CCDC85A: variants seen among roughly 807,000 people sequenced by gnomAD.
CCDC85A encodes the protein coiled-coil domain-containing protein 85A.
CCDC85A carries 38 observed loss-of-function variants against 50.2 expected under a neutral mutation model. The ratio of observed to expected loss-of-function variants is 0.76; its 90% confidence interval spans 0.58 to 0.99. The LOEUF is 0.99. Among genes scored for constraint, CCDC85A ranks in the 50% least tolerant of loss-of-function variants. The pLI is 0.00. For missense variants in CCDC85A, 820 were observed against 742.0 expected, an observed-to-expected ratio of 1.11 and a Z score of -1.22; for synonymous variants, 366 against 301.4, an observed-to-expected ratio of 1.21 and a Z score of -2.22.
chr2:56,299,826 T>TA (rs1672120319), intron 2 of CCDC85A, among the ~76,000 whole-genome samples: 1 of 152,212 alleles, frequency 6.6e-6, no homozygotes, highest in African/African-American at 2.4e-5. Flanking sequence ...AGCTGGTGCT[T>TA]ACCTTCCCCT....
chr2:56,253,738 C>T (rs1669867873), intron 2 of CCDC85A, among the ~76,000 whole-genome samples: 1 of 152,138 alleles, frequency 6.6e-6, no homozygotes, highest in African/African-American at 2.4e-5. Flanking sequence ...ATTGATAGGA[C>T]TTATTGATGG....
chr2:56,303,849 G>T (rs183729340), intron 2 of CCDC85A, among the ~76,000 whole-genome samples: 19 of 152,256 alleles, frequency 1.2e-4, no homozygotes, highest in Admixed American at 5.9e-4. Context: ...CAAGCAATAT[G>T]TTGGTTGATG....
At chr2:56,266,479 A>G (rs1436342544) in intron 2 of CCDC85A, among the ~76,000 whole-genome samples, 1 of 151,512 alleles carries the variant, frequency 6.6e-6, no homozygotes, top group African/African-American at 2.4e-5. Flanking sequence ...GGTGATTGAT[A>G]TATTATTAGC....
Position 56,192,385 on chromosome 2 carries a change from C to G in CCDC85A, c.277-92C>G. ...TCCTCCCCTAACCTCACAGGTAATTCACCAGTTACAGGCTCTCCCTTTCCA... is the reference window on the plus strand; with the variant it reads ...TCCTCCCCTAACCTCACAGGTAATTGACCAGTTACAGGCTCTCCCTTTCCA... On this transcript the variant is annotated intron_variant, in intron 1 of 5. Transcript: ENST00000407595. This position sits in a 1 kb window ranked among gnomAD's most constrained non-coding sequence, Gnocchi z 4.7. 8 of 1,509,394 alleles carry G rather than the reference C, an allele frequency of 5.3e-6. No homozygotes were observed. The highest frequency in any genetic ancestry group is 7.1e-6 in the Non-Finnish European group (8 of 1,129,154). The allele number at this position is 1,509,394 out of a possible 1,614,324, so 93.5% of individuals were successfully genotyped here.
intron 1 of CCDC85A, among the ~76,000 whole-genome samples, chr2:56,189,301 T>A (rs1676194874): frequency 6.9e-6 from 1 of 145,234 alleles, no homozygotes; most frequent in Non-Finnish European, 1.5e-5. Flanking sequence ...TTTGGTGTTT[T>A]TTTTTTTTTT....
At chr2:56,224,071 T>A (rs575424367) in intron 2 of CCDC85A, among the ~76,000 whole-genome samples, 47 of 152,298 alleles carry the variant, frequency 3.1e-4, no homozygotes, top group Non-Finnish European at 5.4e-4. Context: ...CATTTTTATC[T>A]CCCCAAAATA....
At chr2:56,289,809 G>A (rs1374974975) in intron 2 of CCDC85A, among the ~76,000 whole-genome samples, 1 of 152,092 alleles carries the variant, frequency 6.6e-6, no homozygotes, top group East Asian at 1.9e-4. Context: ...TTTGGAGGGG[G>A]TATAGTTAAA....
intron 2 of CCDC85A, among the ~76,000 whole-genome samples, chr2:56,317,455 G>T (rs1245121403): frequency 6.6e-6 from 1 of 152,020 alleles, no homozygotes; most frequent in Admixed American, 6.6e-5. Flanking sequence ...ATTAATGTAT[G>T]AACTAAGGCT....
chr2:56,191,903 A>G (rs904558415), intron 1 of CCDC85A, among the ~76,000 whole-genome samples: 1 of 152,206 alleles, frequency 6.6e-6, no homozygotes, highest in African/African-American at 2.4e-5. Context: ...CTCTGTTGAA[A>G]GGTCTGTTGT....
At chr2:56,379,705 GC>G in intron 5 of CCDC85A, 1 of 671,516 alleles carries the variant, frequency 1.5e-6, no homozygotes, top group Non-Finnish European at 1.8e-6. Context: ...TAACTAACAA[GC>G]TTTTTTCCAT....
At chr2:56,209,821 A>G (rs761704008) in intron 2 of CCDC85A, among the ~76,000 whole-genome samples, 2 of 152,024 alleles carry the variant, frequency 1.3e-5, no homozygotes, top group African/African-American at 2.4e-5. Context: ...TATGAGGTTC[A>G]CTTTTTATTC....
intron 2 of CCDC85A, among the ~76,000 whole-genome samples, chr2:56,201,078 A>T (rs201650278): frequency 0.81 from 112,994 of 139,396 alleles, 43,383 homozygotes; most frequent in Non-Finnish European, 0.83. Flanking sequence ...ATCTCTCTCC[A>T]CACACACACA....
chr2:56,220,368 T>TA (rs1668273249), intron 2 of CCDC85A, among the ~76,000 whole-genome samples: 1 of 152,042 alleles, frequency 6.6e-6, no homozygotes, highest in South Asian at 2.1e-4. Context: ...GTCATGCTTG[T>TA]GTTATATAAG....
chr2:56,284,236 T>C (rs1671328930), intron 2 of CCDC85A, among the ~76,000 whole-genome samples: 1 of 152,238 alleles, frequency 6.6e-6, no homozygotes, highest in Non-Finnish European at 1.5e-5. Context: ...TATTTCAACA[T>C]TTTTGAAATT....
rs886463528 is a variant in CCDC85A at position 56,309,116 on chromosome 2, A to G, written c.1241-33763A>G. ...TGAGAGTTAAATATGATATGGGAAC[A>G]TGGGCATTATTTCTATGTAAAAGAA... On this transcript the variant is annotated intron_variant, in intron 2 of 5. Transcript: ENST00000407595. 2.6e-5 allele frequency among the ~76,000 whole-genome samples: 4 copies of G among 152,340 alleles called. 1 individual carries two copies. Among genetic ancestry groups the G allele is most frequent in the East Asian group, 3.9e-4 (2 of 5,190 alleles).
At chr2:56,264,241 C>T (rs761443186) in intron 2 of CCDC85A, among the ~76,000 whole-genome samples, 2 of 152,214 alleles carry the variant, frequency 1.3e-5, no homozygotes, top group South Asian at 4.2e-4. Context: ...ACTCCAGATT[C>T]TTATATCTAA....
At chr2:56,319,999 C>G (rs1673097126) in intron 2 of CCDC85A, among the ~76,000 whole-genome samples, 1 of 152,254 alleles carries the variant, frequency 6.6e-6, no homozygotes, top group African/African-American at 2.4e-5. Context: ...CAAAACCGCT[C>G]AACTACATGG....
chr2:56,343,392 C>G (rs935607062), intron 3 of CCDC85A, among the ~76,000 whole-genome samples: 3 of 152,192 alleles, frequency 2.0e-5, no homozygotes, highest in Non-Finnish European at 4.4e-5. Context: ...TTAGTACATT[C>G]TAAAATTCTT....
chr2:56,330,770 C>T (rs569479221), intron 2 of CCDC85A, among the ~76,000 whole-genome samples: 60 of 152,118 alleles, frequency 3.9e-4, no homozygotes, highest in Admixed American at 6.5e-4. Flanking sequence ...ATGTACTGTT[C>T]GTGGGAATGT....
Sources: allele counts gnomAD v4.1 joint callset (sites outside exome capture counted in the v4.1 genomes callset), GRCh38; gene constraint gnomAD v4.1.1; non-coding constraint Gnocchi (gnomAD v3.1); transcripts MANE v1.5; gene names NCBI Gene and HGNC (gene_info 2026-07-23, HGNC 2026-07-21).